KLHL32: variants seen among roughly 807,000 people sequenced by gnomAD.
KLHL32 encodes kelch-like protein 32.
A neutral mutation model predicts 64.8 loss-of-function variants in KLHL32; 35 were observed. The observed-to-expected ratio is 0.54, with a 90% confidence interval of 0.41 to 0.72. KLHL32 has a LOEUF of 0.72. Ranked by LOEUF, KLHL32 falls within the 30% of genes least tolerant of loss-of-function variation. The probability of loss-of-function intolerance (pLI) is 0.00; values close to 1 mark genes in which losing one functional copy is unlikely to be tolerated. For synonymous variants in KLHL32, 259 were observed against 281.0 expected (o/e 0.92, Z 0.78); for missense variants, 589 against 768.5 (o/e 0.77, Z 2.76).
At chr6:97,132,796 G>A (rs111287491) in intron 10 of KLHL32, 49 bp downstream of exon 10, 3 of 1,337,024 alleles carry the variant, frequency 2.2e-6, no homozygotes. Context: ...GTTCAGCGAG[G>A]TTACATTTTG....
intron 3 of KLHL32, among the ~76,000 whole-genome samples, chr6:96,996,226 G>A (rs1315105359): frequency 6.6e-6 from 1 of 152,244 alleles, no homozygotes; most frequent in Non-Finnish European, 1.5e-5. Flanking sequence ...TGTCTTGACT[G>A]TCTAACATAA....
intron 3 of KLHL32, among the ~76,000 whole-genome samples, chr6:97,006,900 T>C (rs1481505496): frequency 3.3e-5 from 5 of 152,164 alleles, no homozygotes; most frequent in Admixed American, 6.5e-5. Flanking sequence ...GACCAACCCC[T>C]TCTCTCTAGA....
intron 4 of KLHL32, among the ~76,000 whole-genome samples, chr6:97,059,506 C>A (rs1241512857): frequency 2.0e-5 from 3 of 152,220 alleles, no homozygotes; most frequent in African/African-American, 7.2e-5. Context: ...ATGATCACAA[C>A]ATTTAGAAAC....
At chr6:96,923,061 C>T (rs1355856939), upstream of KLHL32, among the ~76,000 whole-genome samples, 1 of 152,188 alleles carries the variant, frequency 6.6e-6, no homozygotes, top group Non-Finnish European at 1.5e-5. Flanking sequence ...TCAGCTTGGG[C>T]AGTAAGAGAC....
chr6:96,940,692 A>T (rs1054819372), intron 1 of KLHL32, among the ~76,000 whole-genome samples: 1 of 152,222 alleles, frequency 6.6e-6, no homozygotes, highest in African/African-American at 2.4e-5. Context: ...AGTTACAGAA[A>T]ACAGGCAAAT....
intron 9 of KLHL32, among the ~76,000 whole-genome samples, chr6:97,131,772 A>C (rs1022498628): frequency 6.6e-6 from 1 of 152,168 alleles, no homozygotes; most frequent in African/African-American, 2.4e-5. Context: ...GAATCTAATC[A>C]GAGGTTTAGA....
At chr6:96,958,696 C>A (rs1265873437) in intron 1 of KLHL32, among the ~76,000 whole-genome samples, 1 of 152,210 alleles carries the variant, frequency 6.6e-6, no homozygotes. Context: ...TTGGCTAGAA[C>A]TGGATCTTCA....
chr6:97,140,377 C>CTTTG lies in KLHL32; in HGVS notation c.*1098_*1101dup, dbSNP rs1170052910. 3 of 152,058 alleles carry CTTTG rather than the reference C, an allele frequency of 2.0e-5. No homozygotes were observed. Among genetic ancestry groups the CTTTG allele is most frequent in the Non-Finnish European group, 4.4e-5 (3 of 67,936 alleles). 9.4% of individuals were successfully genotyped at this position (152,058 alleles called of 1,614,324 possible). A position where few individuals can be genotyped will look rare whatever the true frequency, so the allele number is the denominator to read the frequency against. ...GGCAGTTCTAATAAAAGTTTTTCCA[C>CTTTG]TTTGTTAAAGGTTATGTCAATCTTG... On this transcript the variant is annotated 3_prime_UTR_variant, in exon 11 of 11. Coordinates refer to ENST00000369261, the MANE Select transcript of KLHL32 (RefSeq NM_052904.4).
chr6:97,072,485 T>G (rs1790900760), intron 5 of KLHL32, among the ~76,000 whole-genome samples: 1 of 152,106 alleles, frequency 6.6e-6, no homozygotes, highest in Non-Finnish European at 1.5e-5. Context: ...GTGGTTCACA[T>G]AGTCTTCAGG....
At chr6:97,079,864 G>GAAA (rs911333489) in intron 5 of KLHL32, among the ~76,000 whole-genome samples, 2 of 147,310 alleles carry the variant, frequency 1.4e-5, no homozygotes, top group Non-Finnish European at 3.0e-5. Flanking sequence ...AACCTTTTTA[G>GAAA]AAAAAAAAAA....
chr6:97,026,430 G>A (rs1782729574), intron 3 of KLHL32, among the ~76,000 whole-genome samples: 1 of 152,102 alleles, frequency 6.6e-6, no homozygotes, highest in Non-Finnish European at 1.5e-5. Context: ...TATTCATTGA[G>A]CTGACCTGTT....
intron 5 of KLHL32, among the ~76,000 whole-genome samples, chr6:97,082,410 A>G (rs1203129899): frequency 1.3e-5 from 2 of 152,068 alleles, no homozygotes; most frequent in African/African-American, 2.4e-5. Context: ...TGAGGAAATC[A>G]AGACCATCCT....
intron 4 of KLHL32, among the ~76,000 whole-genome samples, chr6:97,057,214 C>T (rs1416488390): frequency 3.7e-5 from 2 of 54,394 alleles, no homozygotes; most frequent in African/African-American, 3.0e-4. Context: ...GACGGAGTTT[C>T]GCTCTGTCGC....
At chr6:97,092,188 A>G (rs1271064639) in intron 6 of KLHL32, among the ~76,000 whole-genome samples, 2 of 152,042 alleles carry the variant, frequency 1.3e-5, no homozygotes, top group African/African-American at 2.4e-5. Flanking sequence ...ACAGGGTTTC[A>G]CCACGTTAGC....
At chr6:97,071,052 G>A (rs1051311406) in intron 5 of KLHL32, among the ~76,000 whole-genome samples, 1 of 151,898 alleles carries the variant, frequency 6.6e-6, no homozygotes, top group African/African-American at 2.4e-5. Context: ...TACTTTACTG[G>A]CACTTTTCTT....
At chr6:96,945,208 G>A (rs1014746081) in intron 1 of KLHL32, among the ~76,000 whole-genome samples, 12 of 152,188 alleles carry the variant, frequency 7.9e-5, no homozygotes, top group Admixed American at 5.9e-4. Context: ...CTAGCACATG[G>A]CTGTGCCAGC....
chr6:97,130,804 T>C lies in KLHL32; in HGVS notation c.1461T>C (p.His487=), dbSNP rs767717114. 9.9e-6 allele frequency: 16 copies of C among 1,614,108 alleles called. No individual in the cohort carries two copies. The highest frequency in any genetic ancestry group is 1.7e-5 in the Admixed American group (1 of 60,024). The part of the protein sequence containing the change: ...RSPMLQRRVY[H]SMAAVQRKLY... Reference sequence around the variant, plus strand: ...CCATGCTGCAGAGAAGGGTCTACCATTCCATGGCTGCTGTACAAAGGAAGC... The same window carrying C: ...CCATGCTGCAGAGAAGGGTCTACCACTCCATGGCTGCTGTACAAAGGAAGC... The change falls in exon 9 of 11, where the codon CAT becomes CAC. Residue 487 remains histidine (H), a synonymous_variant. Coordinates refer to ENST00000369261, the MANE Select transcript of KLHL32 (RefSeq NM_052904.4).
At chr6:97,016,861 C>A (rs1051066526) in intron 3 of KLHL32, among the ~76,000 whole-genome samples, 9 of 152,170 alleles carry the variant, frequency 5.9e-5, no homozygotes, top group African/African-American at 1.9e-4. Context: ...TGAGTGAGTT[C>A]TCACAAGAAC....
intron 6 of KLHL32, among the ~76,000 whole-genome samples, chr6:97,102,603 G>T (rs887056573): frequency 1.3e-5 from 2 of 152,060 alleles, no homozygotes; most frequent in Admixed American, 6.6e-5. Context: ...ATGACTAGAT[G>T]GATGAATATT....
Sources: gnomAD v4.1 joint callset for allele counts (sites outside exome capture counted in the v4.1 genomes callset) on GRCh38, gnomAD v4.1.1 for gene constraint, MANE v1.5 for transcripts, NCBI Gene and HGNC (gene_info 2026-07-23, HGNC 2026-07-21) for gene names.